The following RIPOR2 variants were observed in gnomAD, a reference collection of about 807,000 sequenced individuals.
RIPOR2 encodes the protein rho family-interacting cell polarization regulator 2.
A neutral mutation model predicts 114.5 loss-of-function variants in RIPOR2; 39 were observed. The ratio of observed to expected loss-of-function variants is 0.34; its 90% CI spans 0.26 to 0.44. The LOEUF (loss-of-function observed/expected upper bound fraction) is 0.44, where lower values mean the gene tolerates loss of function less well. Ranked by LOEUF, RIPOR2 falls within the 20% of genes least tolerant of loss-of-function variation. The pLI is 1.00. For synonymous variants in RIPOR2, 445 were observed against 484.4 expected, an observed-to-expected ratio of 0.92 and a Z score of 1.07; for missense variants, 1,007 against 1,255.1, an observed-to-expected ratio of 0.80 and a Z score of 2.99.
chr6:24,828,355 CAT>C, intron 17 of RIPOR2, 60 bp from the exon 18 acceptor site: 1 of 1,285,606 alleles, frequency 7.8e-7, no homozygotes, highest in Non-Finnish European at 1.0e-6. Flanking sequence ...TTCATTCATT[CAT>C]TCAATAATTT....
intron 1 of RIPOR2, among the ~76,000 whole-genome samples, chr6:24,964,892 T>C (rs559018592): frequency 2.6e-5 from 4 of 152,356 alleles, no homozygotes; most frequent in African/African-American, 7.2e-5. Flanking sequence ...TAACTAGTGA[T>C]ATTGAACATC....
At chr6:24,956,507 A>G (rs62401062) in intron 1 of RIPOR2, among the ~76,000 whole-genome samples, 81 of 152,334 alleles carry the variant, frequency 5.3e-4, no homozygotes, top group South Asian at 1.2e-3. Context: ...GTTCAGTCAG[A>G]TATCATTCTA....
At chr6:24,938,364 T>C (rs981431685), upstream of RIPOR2, among the ~76,000 whole-genome samples, 20 of 152,242 alleles carry the variant, frequency 1.3e-4, no homozygotes, top group African/African-American at 4.3e-4. Flanking sequence ...GAAGAACCAA[T>C]CCTGCCAACA....
rs1769176407 is a variant in RIPOR2 at position 24,908,117 on chromosome 6, G to A, written c.61+27721C>T. ...AGATGAAAATAAGCCTGGTAAAGGA[G>A]CTGTTCACAAGCACGAGGCCCTACT... On this transcript the variant is annotated intron_variant, in intron 1 of 21. Transcript: ENST00000643898. Among the ~76,000 whole-genome samples, 6 of 152,294 alleles carry A rather than the reference G, an allele frequency of 3.9e-5. No individual in the cohort carries two copies. The South Asian group carries it at 1.2e-3, about 32-fold the overall frequency.
At chr6:24,974,981 A>G (rs1207537039) in intron 1 of RIPOR2, among the ~76,000 whole-genome samples, 1 of 152,190 alleles carries the variant, frequency 6.6e-6, no homozygotes, top group Non-Finnish European at 1.5e-5. Context: ...GGTTGCCAGG[A>G]GCTGGGGTGA....
At chr6:24,899,734 A>C (rs1393689213) in intron 1 of RIPOR2, among the ~76,000 whole-genome samples, 18 of 152,222 alleles carry the variant, frequency 1.2e-4, no homozygotes, top group Admixed American at 1.2e-3. Context: ...TCACAAAAGA[A>C]AAGGAATGAT....
At chr6:25,023,304 G>A in intron 1 of RIPOR2, 1 of 778,720 alleles carries the variant, frequency 1.3e-6, no homozygotes, top group Non-Finnish European at 2.3e-6. Flanking sequence ...TTCAGCCTGA[G>A]GGAATTGATG....
intron 1 of RIPOR2, among the ~76,000 whole-genome samples, chr6:24,901,904 C>G (rs1446947675): frequency 6.6e-6 from 1 of 152,166 alleles, no homozygotes. Context: ...CAGGGTTGTT[C>G]TGTGGTTTAA....
At chr6:24,889,030 C>G (rs1767084702) in intron 1 of RIPOR2, among the ~76,000 whole-genome samples, 1 of 152,162 alleles carries the variant, frequency 6.6e-6, no homozygotes, top group Non-Finnish European at 1.5e-5. Flanking sequence ...GTTGTTATGA[C>G]AACACTTTAA....
At chr6:24,833,760 G>A (rs537014302) in intron 15 of RIPOR2, among the ~76,000 whole-genome samples, 1 of 152,052 alleles carries the variant, frequency 6.6e-6, no homozygotes, top group Non-Finnish European at 1.5e-5. Context: ...CTACATCTTT[G>A]TATCCACCTC....
At chr6:24,972,893 G>A (rs899081615) in intron 1 of RIPOR2, among the ~76,000 whole-genome samples, 1 of 152,120 alleles carries the variant, frequency 6.6e-6, no homozygotes, top group Non-Finnish European at 1.5e-5. Context: ...TTATTTTATG[G>A]GTGGAGACAG....
chr6:24,959,232 A>G (rs1364432833), intron 1 of RIPOR2, among the ~76,000 whole-genome samples: 1 of 152,204 alleles, frequency 6.6e-6, no homozygotes, highest in African/African-American at 2.4e-5. Context: ...TCCTGTTTCC[A>G]AAGGAAGTCA....
chr6:24,923,701 CA>C (rs1561778583), intron 1 of RIPOR2, among the ~76,000 whole-genome samples: 1 of 151,830 alleles, frequency 6.6e-6, no homozygotes, highest in Non-Finnish European at 1.5e-5. Context: ...AAAATATTAG[CA>C]GGGGACGTGA....
chr6:24,823,796 C>T (rs1196486374), intron 19 of RIPOR2, among the ~76,000 whole-genome samples: 1 of 152,176 alleles, frequency 6.6e-6, no homozygotes, highest in Non-Finnish European at 1.5e-5. Flanking sequence ...CTCGCTCTGT[C>T]ACCCAGCTGG....
rs185685417 is a variant in RIPOR2, at chr6:24,850,574, A to G, written c.885+23T>C. The G allele has an allele frequency of 1.7e-4, 268 of 1,613,682 alleles. 1 individual carries two copies. The Admixed American group carries it at 2.4e-3, about 15-fold the overall frequency. ...ATCCAGCCGTGGCACCAGGAAAGAC[A>G]ACAGGCAATGACAATACTGTACCTT... On this transcript the variant is annotated intron_variant, in intron 10 of 21. Coordinates refer to ENST00000643898, the MANE Select transcript of RIPOR2 (RefSeq NM_001286445.3).
chr6:24,900,000 T>A (rs1381842838), intron 1 of RIPOR2, among the ~76,000 whole-genome samples: 3 of 152,186 alleles, frequency 2.0e-5, no homozygotes, highest in Non-Finnish European at 4.4e-5. Context: ...AAAATCTTCT[T>A]CTTGATTATA....
intron 13 of RIPOR2, chr6:24,839,580 T>C (rs1318443752): frequency 1.3e-6 from 2 of 1,511,118 alleles, no homozygotes; most frequent in Admixed American, 2.0e-5. Context: ...CTGGGATCCA[T>C]TAGAGGATCT....
At chr6:24,986,952 T>A (rs944056821) in intron 1 of RIPOR2, among the ~76,000 whole-genome samples, 8 of 151,654 alleles carry the variant, frequency 5.3e-5, no homozygotes, top group African/African-American at 1.9e-4. Context: ...AATCTCATAA[T>A]GTTTTTAAAA....
At chr6:24,808,773 T>C (rs1780939807) in intron 21 of RIPOR2, among the ~76,000 whole-genome samples, 1 of 150,640 alleles carries the variant, frequency 6.6e-6, no homozygotes, top group African/African-American at 2.4e-5. Context: ...TTTTTTTTTT[T>C]TTTTGAGACA....
Sources: gnomAD v4.1 joint callset for allele counts (sites outside exome capture counted in the v4.1 genomes callset) on GRCh38, gnomAD v4.1.1 for gene constraint, MANE v1.5 for transcripts, NCBI Gene and HGNC (gene_info 2026-07-23, HGNC 2026-07-21) for gene names.